Variants in VWA8 observed in about 807,000 individuals in gnomAD.
VWA8 encodes von Willebrand factor A domain-containing protein 8.
VWA8 carries 221 observed loss-of-function variants against 241.5 expected under a neutral mutation model. The ratio of observed to expected loss-of-function variants is 0.91; its 90% confidence interval spans 0.82 to 1.02. VWA8 has a LOEUF of 1.02. Among genes scored for constraint, VWA8 ranks in the 50% least tolerant of loss-of-function variants. The probability of loss-of-function intolerance (pLI) is 0.00; values close to 1 mark genes in which losing one functional copy is unlikely to be tolerated. For synonymous variants in VWA8, 852 were observed against 827.1 expected, an observed-to-expected ratio of 1.03 and a Z score of -0.52; for missense variants, 2,322 against 2,328.7, an observed-to-expected ratio of 1.00 and a Z score of 0.06.
chr13:41,743,848 A>C (rs1362119299), intron 21 of VWA8, among the ~76,000 whole-genome samples: 1 of 152,176 alleles, frequency 6.6e-6, no homozygotes, highest in Non-Finnish European at 1.5e-5. Flanking sequence ...AGTACTATGG[A>C]CATAAGAGGA....
intron 29 of VWA8, among the ~76,000 whole-genome samples, chr13:41,693,965 C>A (rs2045196422): frequency 6.6e-6 from 1 of 151,770 alleles, no homozygotes; most frequent in African/African-American, 2.4e-5. Context: ...CTCTTGTGAA[C>A]TTTTCATTTC....
intron 2 of VWA8, among the ~76,000 whole-genome samples, chr13:41,924,423 A>G (rs1593873827): frequency 7.2e-6 from 1 of 138,080 alleles, no homozygotes; most frequent in Middle Eastern, 3.5e-3. Flanking sequence ...AGGAGAGGAG[A>G]TGAAGGAAGG....
intron 5 of VWA8, among the ~76,000 whole-genome samples, chr13:41,889,445 C>T (rs1365715602): frequency 6.6e-6 from 1 of 151,544 alleles, no homozygotes; most frequent in Non-Finnish European, 1.5e-5. Flanking sequence ...GTGGTGCAAT[C>T]CTGGCTCACC....
chr13:41,880,668 T>C (rs1250093403), intron 9 of VWA8, among the ~76,000 whole-genome samples: 2 of 152,228 alleles, frequency 1.3e-5, no homozygotes, highest in African/African-American at 4.8e-5. Context: ...GCCTATGTTC[T>C]ATACAATGAC....
At chr13:41,840,431 C>T (rs940496917) in intron 12 of VWA8, among the ~76,000 whole-genome samples, 12 of 151,470 alleles carry the variant, frequency 7.9e-5, no homozygotes, top group African/African-American at 2.4e-4. Context: ...CAAACCTGCA[C>T]GTTCTGCACA....
chr13:41,930,081 C>A (rs1218102181), intron 2 of VWA8, among the ~76,000 whole-genome samples: 1 of 152,128 alleles, frequency 6.6e-6, no homozygotes, highest in African/African-American at 2.4e-5. Flanking sequence ...GATTTGAATT[C>A]TCCAAAGAAG....
In VWA8 at chr13:41,851,329, T is replaced by C. The variant is rs115220572; in HGVS notation, c.1425+14407A>G. Among the ~76,000 whole-genome samples the C allele has an allele frequency of 3.8e-3, 580 of 152,364 alleles. 2 individuals are homozygous for C. Among genetic ancestry groups the C allele is most frequent in the African/African-American group, 0.013 (550 of 41,586 alleles). ...GATTTCACATTTAAGTGAGATAATG[T>C]AGTATTTGCTTTTCAGTGGCTGGCT... is the stretch of plus-strand genomic sequence containing the variant. On this transcript the variant is annotated intron_variant, in intron 12 of 44. Transcript: ENST00000379310.
At chr13:41,626,650 C>G (rs1447368462) in intron 37 of VWA8, among the ~76,000 whole-genome samples, 3 of 152,104 alleles carry the variant, frequency 2.0e-5, no homozygotes, top group Non-Finnish European at 4.4e-5. Context: ...ACAAAGCCAA[C>G]TATAACAAGA....
At position 41,761,159 on chromosome 13, in the gene VWA8, T is replaced by A. The variant is rs1005948360; in HGVS notation, c.2395A>T (p.Asn799Tyr). The A allele has an allele frequency of 5.6e-6, 9 of 1,611,798 alleles. No individual in the cohort carries two copies. In the Admixed American group the frequency reaches 8.4e-5, roughly 15 times the overall value. ...AGCTGAATATATTCTCGGGGTCTGT[T>A]GAGCAGGTGAAGGAATCTGTCAACA... ...KIVDRFLHLLNRPREYIQLHR... is the reference protein window; with the variant it reads ...KIVDRFLHLLYRPREYIQLHR... The change falls in exon 21 of 45, where the codon AAC becomes TAC. Residue 799 changes from asparagine (N) to tyrosine (Y), a missense_variant. Coordinates refer to ENST00000379310, the MANE Select transcript of VWA8 (RefSeq NM_015058.2).
At chr13:41,814,764 T>C (rs547098729) in intron 16 of VWA8, among the ~76,000 whole-genome samples, 2 of 152,312 alleles carry the variant, frequency 1.3e-5, no homozygotes, top group Admixed American at 1.3e-4. Context: ...CTCTGTAGTA[T>C]TGCCAACATT....
intron 21 of VWA8, among the ~76,000 whole-genome samples, chr13:41,750,527 C>A (rs2045647819): frequency 6.6e-6 from 1 of 151,202 alleles, no homozygotes; most frequent in South Asian, 2.1e-4. Flanking sequence ...ATTTGATTCA[C>A]AGGAGGCCAA....
chr13:41,606,071 A>G (rs889344277), intron 39 of VWA8, among the ~76,000 whole-genome samples: 19 of 152,170 alleles, frequency 1.2e-4, no homozygotes, highest in East Asian at 5.8e-4. Context: ...TCAAGACTCA[A>G]GTCAATGATT....
chr13:41,611,840 A>C, intron 38 of VWA8, 108 bp from the exon 39 acceptor site: 1 of 1,235,856 alleles, frequency 8.1e-7, no homozygotes, highest in African/African-American at 1.5e-5. Flanking sequence ...ATTGTACTTA[A>C]CTAGTAATTA....
intron 2 of VWA8, among the ~76,000 whole-genome samples, chr13:41,923,259 G>C (rs1876647914): frequency 6.6e-6 from 1 of 152,130 alleles, no homozygotes; most frequent in Non-Finnish European, 1.5e-5. Flanking sequence ...CACAGGGTGG[G>C]GAACATCACA....
intron 12 of VWA8, among the ~76,000 whole-genome samples, chr13:41,858,499 G>A (rs933313808): frequency 1.3e-5 from 2 of 152,058 alleles, no homozygotes; most frequent in East Asian, 1.9e-4. Flanking sequence ...CCAGCTACTC[G>A]GGAGGCTGAG....
In VWA8 at chr13:41,685,122, T is replaced by C. The variant is rs780913511; in HGVS notation, c.4252A>G (p.Thr1418Ala). 6.2e-7 allele frequency: 1 copy of C among 1,613,438 alleles called. No individual in the cohort carries two copies. The highest frequency in any genetic ancestry group is 8.5e-7 in the Non-Finnish European group (1 of 1,179,742). ...RGTPKQSNCV[T>A]LLDTNQVVRI... Reference sequence around the variant, plus strand: ...ACTACCTGATTCGTATCTAAAAGAGTCACACAATTGCTTTGTTTTGGAGTC... The same window carrying C: ...ACTACCTGATTCGTATCTAAAAGAGCCACACAATTGCTTTGTTTTGGAGTC... The change falls in exon 35 of 45, where the codon ACT becomes GCT. Residue 1418 changes from threonine to alanine, a missense_variant. Thr to Ala is a moderately conservative substitution (Grantham distance 58). Coordinates refer to ENST00000379310, the MANE Select transcript of VWA8 (RefSeq NM_015058.2).
At chr13:41,919,650 G>A (rs998204439) in intron 2 of VWA8, among the ~76,000 whole-genome samples, 2 of 152,010 alleles carry the variant, frequency 1.3e-5, no homozygotes, top group Admixed American at 6.6e-5. Flanking sequence ...CCAGACATTG[G>A]TGTACCCTGC....
rs140061225 is a variant in VWA8 at position 41,573,430 on chromosome 13, G to C, written c.5370+2310C>G. Reference sequence around the variant, plus strand: ...AAGACTCCATCTCAAAACAAACAAAGAATAAGACCTAGTGTTAGCTAGCAC... The same window carrying C: ...AAGACTCCATCTCAAAACAAACAAACAATAAGACCTAGTGTTAGCTAGCAC... On this transcript the variant is annotated intron_variant, in intron 43 of 44. Coordinates refer to ENST00000379310, the MANE Select transcript of VWA8 (RefSeq NM_015058.2). Among the ~76,000 whole-genome samples the C allele has an allele frequency of 6.6e-3, 787 of 119,854 alleles. 8 individuals are homozygous for C. Among genetic ancestry groups the C allele is most frequent in the African/African-American group, 0.023 (736 of 31,538 alleles). The allele number at this position is 119,854 out of a possible 152,430, so 78.6% of individuals were successfully genotyped here.
intron 23 of VWA8, among the ~76,000 whole-genome samples, chr13:41,729,155 C>T (rs551741155): frequency 9.9e-5 from 15 of 151,228 alleles, no homozygotes; most frequent in South Asian, 2.1e-4. Flanking sequence ...TATATACACA[C>T]GTATTCACCA....
Sources: allele counts gnomAD v4.1 joint callset (sites outside exome capture counted in the v4.1 genomes callset), GRCh38; gene constraint gnomAD v4.1.1; transcripts MANE v1.5; gene names NCBI Gene and HGNC (gene_info 2026-07-23, HGNC 2026-07-21).